The following WWOX variants were observed in gnomAD, a reference collection of about 807,000 sequenced individuals.
The protein encoded by WWOX is WW domain-containing oxidoreductase.
In WWOX, 69 loss-of-function variants were observed where a neutral mutation model predicts 46.2. That is an observed-to-expected ratio of 1.49 (90% confidence interval 1.23 to 1.82). The LOEUF is 1.82. WWOX is among the 40% of genes most tolerant of loss of function. The pLI is 0.00. For missense variants in WWOX, 919 were observed against 542.6 expected, an observed-to-expected ratio of 1.69 and a Z score of -6.89; for synonymous variants, 359 against 202.6, an observed-to-expected ratio of 1.77 and a Z score of -6.56.
intron 8 of WWOX, among the ~76,000 whole-genome samples, chr16:78,508,074 C>G (rs1372081010): frequency 2.6e-5 from 4 of 151,608 alleles, no homozygotes; most frequent in Admixed American, 2.0e-4. Context: ...GTGGCATGAT[C>G]TTAGCTCACT....
chr16:78,152,502 C>T lies in WWOX; in HGVS notation c.410-11681C>T, dbSNP rs2034452889. On this transcript the variant is annotated intron_variant, in intron 4 of 8. Transcript: ENST00000566780. ...CAAATATGTTAAGCCATTTCCTATC[C>T]CCCATCCCTCATTAATCTATGAAGT... is the stretch of plus-strand genomic sequence containing the variant. Among the ~76,000 whole-genome samples, 3 of 152,086 alleles carry T rather than the reference C, an allele frequency of 2.0e-5. No homozygotes were observed. In the South Asian group the frequency reaches 6.2e-4, roughly 32 times the overall value.
At chr16:78,453,052 T>C (rs991634611) in intron 8 of WWOX, among the ~76,000 whole-genome samples, 4 of 151,908 alleles carry the variant, frequency 2.6e-5, no homozygotes, top group African/African-American at 9.7e-5. Flanking sequence ...TGGATAATTT[T>C]TTGTATTTTT....
chr16:79,194,569 G>A (rs185922051), intron 8 of WWOX, among the ~76,000 whole-genome samples: 9 of 152,246 alleles, frequency 5.9e-5, no homozygotes, highest in Admixed American at 5.2e-4. Flanking sequence ...ACAGGCAGCA[G>A]TGTGGGGCCT....
chr16:78,969,294 A>C (rs150688220), intron 8 of WWOX, among the ~76,000 whole-genome samples: 125 of 150,428 alleles, frequency 8.3e-4, no homozygotes, highest in Non-Finnish European at 4.4e-5. Context: ...TTTTTGAGGA[A>C]GGGTCTCTCT....
chr16:78,384,972 G>A (rs1011053917), intron 5 of WWOX, among the ~76,000 whole-genome samples: 1 of 152,032 alleles, frequency 6.6e-6, no homozygotes, highest in African/African-American at 2.4e-5. Context: ...CGTCTGTACT[G>A]AAAATACAAA....
intron 8 of WWOX, among the ~76,000 whole-genome samples, chr16:78,828,973 A>G (rs989158590): frequency 1.9e-4 from 29 of 152,360 alleles, no homozygotes; most frequent in African/African-American, 6.7e-4. Context: ...CGACACAGCC[A>G]TGAATGGCAA....
intron 4 of WWOX, among the ~76,000 whole-genome samples, chr16:78,121,485 G>A (rs1181314101): frequency 6.6e-6 from 1 of 152,140 alleles, no homozygotes; most frequent in Non-Finnish European, 1.5e-5. Context: ...CGTGATCAAA[G>A]TATTTGAGAA....
At position 78,848,800 on chromosome 16, in the gene WWOX, TTTTTTTTTTAACCTCCTCTGAGA is replaced by T. The variant is rs950004512; in HGVS notation, c.1057-362799_1057-362777del. ...TAGACGGGAGTTACACAGAGACCTT[TTTTTTTTTTAACCTCCTCTGAGA>T]TTTTTTTTAACCTCCTCTGAGATTC... On this transcript the variant is annotated intron_variant, in intron 8 of 8. Coordinates refer to ENST00000566780, the MANE Select transcript of WWOX (RefSeq NM_016373.4). Among the ~76,000 whole-genome samples, 70 of 123,632 alleles carry T rather than the reference TTTTTTTTTTAACCTCCTCTGAGA, an allele frequency of 5.7e-4. No individual in the cohort carries two copies. In the East Asian group the frequency reaches 0.011, roughly 19 times the overall value. The allele number at this position is 123,632 out of a possible 152,430, so 81.1% of individuals were successfully genotyped here.
intron 8 of WWOX, among the ~76,000 whole-genome samples, chr16:79,089,132 G>T (rs115115078): frequency 1.3e-5 from 2 of 152,090 alleles, no homozygotes; most frequent in African/African-American, 4.8e-5. Flanking sequence ...CAGGAAGGCC[G>T]CATATGGTGG....
chr16:78,989,886 AAG>A (rs1389466030), intron 8 of WWOX, among the ~76,000 whole-genome samples: 1 of 135,124 alleles, frequency 7.4e-6, no homozygotes, highest in African/African-American at 2.8e-5. Flanking sequence ...GATGGAGGGA[AAG>A]AGAGGCGGGG....
chr16:79,164,903 C>G (rs151231744), intron 8 of WWOX, among the ~76,000 whole-genome samples: 154 of 152,190 alleles, frequency 1.0e-3, no homozygotes, highest in African/African-American at 3.6e-3. Context: ...AACCCACACA[C>G]CACAGAGAAG....
intron 8 of WWOX, among the ~76,000 whole-genome samples, chr16:78,620,875 C>G (rs2046163983): frequency 6.6e-6 from 1 of 152,118 alleles, no homozygotes; most frequent in Admixed American, 6.5e-5. Context: ...GTCCAGGTCA[C>G]TACGTATTGC....
chr16:78,990,469 A>G (rs1168921073), intron 8 of WWOX, among the ~76,000 whole-genome samples: 2 of 152,158 alleles, frequency 1.3e-5, no homozygotes, highest in Non-Finnish European at 2.9e-5. Flanking sequence ...CTAAAGGTCA[A>G]CAGCTGTGTT....
intron 5 of WWOX, among the ~76,000 whole-genome samples, chr16:78,341,010 C>T (rs1169831135): frequency 4.2e-5 from 5 of 118,640 alleles, no homozygotes; most frequent in East Asian, 1.9e-4. Flanking sequence ...TGTCTTTCAA[C>T]CCCATTTTCA....
At chr16:78,340,400 G>T in intron 5 of WWOX, among the ~76,000 whole-genome samples, 1 of 119,568 alleles carries the variant, frequency 8.4e-6, no homozygotes, top group African/African-American at 2.8e-5. Context: ...TAGAGATGAA[G>T]TGTTTACCCT....
chr16:78,773,518 T>A (rs572663801), intron 8 of WWOX, among the ~76,000 whole-genome samples: 32 of 152,274 alleles, frequency 2.1e-4, no homozygotes, highest in African/African-American at 7.5e-4. Context: ...AGTTGGAGGA[T>A]GCTGTGTTGA....
At position 78,877,589 on chromosome 16, in the gene WWOX, A is replaced by G. The variant is rs78766870; in HGVS notation, c.1057-334019A>G. ...TTGTATTCCTTGTGGCACTTATTATATCACATAGATACAGACATAGATGTG... is the reference window on the plus strand; with the variant it reads ...TTGTATTCCTTGTGGCACTTATTATGTCACATAGATACAGACATAGATGTG... On this transcript the variant is annotated intron_variant, in intron 8 of 8. Coordinates refer to ENST00000566780, the MANE Select transcript of WWOX (RefSeq NM_016373.4). 7.2e-5 allele frequency among the ~76,000 whole-genome samples: 11 copies of G among 152,320 alleles called. No individual in the cohort carries two copies. The East Asian group carries it at 1.9e-3, about 27-fold the overall frequency.
chr16:78,789,881 C>A (rs888550321), intron 8 of WWOX, among the ~76,000 whole-genome samples: 1 of 152,116 alleles, frequency 6.6e-6, no homozygotes, highest in Non-Finnish European at 1.5e-5. Context: ...GGATCTTGGG[C>A]TTCCAAATCA....
intron 5 of WWOX, among the ~76,000 whole-genome samples, chr16:78,218,776 C>T (rs1023155285): frequency 1.5e-4 from 23 of 152,326 alleles, no homozygotes; most frequent in African/African-American, 4.1e-4. Context: ...TGTGGAAGCA[C>T]GCTTCGGTGC....
Sources: gnomAD v4.1 joint callset for allele counts (sites outside exome capture counted in the v4.1 genomes callset) on GRCh38, gnomAD v4.1.1 for gene constraint, MANE v1.5 for transcripts, NCBI Gene and HGNC (gene_info 2026-07-23, HGNC 2026-07-21) for gene names.